Variants in POU6F2 observed in about 807,000 individuals in gnomAD.
The protein encoded by POU6F2 is POU domain, class 6, transcription factor 2.
POU6F2 carries 31 observed loss-of-function variants against 71.3 expected under a neutral mutation model. The observed-to-expected ratio is 0.43, with a 90% confidence interval of 0.33 to 0.59. The LOEUF (loss-of-function observed/expected upper bound fraction) is 0.59, where lower values mean the gene tolerates loss of function less well. POU6F2 is among the 20% of genes least tolerant of loss of function. POU6F2 has a pLI of 0.04. For missense variants in POU6F2, 783 were observed against 856.8 expected (o/e 0.91, Z 1.07); for synonymous variants, 347 against 355.7 (o/e 0.98, Z 0.27).
intron 1 of POU6F2, among the ~76,000 whole-genome samples, chr7:38,985,309 C>T (rs151167718): frequency 6.6e-6 from 1 of 152,164 alleles, no homozygotes; most frequent in African/African-American, 2.4e-5. Context: ...ATGTAAAATG[C>T]TGCTTAATGG....
At chr7:39,034,331 T>G (rs767073626) in intron 1 of POU6F2, 4 of 171,594 alleles carry the variant, frequency 2.3e-5, no homozygotes, top group Non-Finnish European at 5.1e-5. Context: ...AAAGGAAGAA[T>G]TTTTATACTG....
chr7:39,354,109 C>G (rs1054097657), intron 5 of POU6F2, among the ~76,000 whole-genome samples: 1 of 152,216 alleles, frequency 6.6e-6, no homozygotes, highest in Non-Finnish European at 1.5e-5. Flanking sequence ...GGAAACAAAT[C>G]AGGCACCAAA....
chr7:39,044,560 C>T lies in POU6F2; in HGVS notation c.106-41300C>T, dbSNP rs1017038359. 3.3e-5 allele frequency among the ~76,000 whole-genome samples: 5 copies of T among 151,852 alleles called. No individual in the cohort carries two copies. The East Asian group carries it at 5.8e-4, about 18-fold the overall frequency. ...TTCTGAGACTGATAGATTTATAAAG[C>T]GATTTTCAAAATATTGCCACCTTCG... is the stretch of plus-strand genomic sequence containing the variant. On this transcript the variant is annotated intron_variant, in intron 1 of 9. Coordinates refer to ENST00000518318, the MANE Select transcript of POU6F2 (RefSeq NM_001370959.1).
At chr7:39,057,372 C>T (rs894004240) in intron 1 of POU6F2, among the ~76,000 whole-genome samples, 1 of 152,046 alleles carries the variant, frequency 6.6e-6, no homozygotes, top group Non-Finnish European at 1.5e-5. Context: ...GTTTAATTTA[C>T]ATTTCCTTTA....
chr7:39,348,428 T>G (rs1172642089), intron 5 of POU6F2, among the ~76,000 whole-genome samples: 1 of 152,218 alleles, frequency 6.6e-6, no homozygotes, highest in Non-Finnish European at 1.5e-5. Flanking sequence ...CCATGATCCT[T>G]TACCTATGTA....
In POU6F2 at chr7:39,207,409, G is replaced by A; in HGVS notation, c.387G>A (p.Gln129=). The part of the protein sequence containing the change: ...PVGPQPLLTA[Q]QLASAVAGVM... ...CCTTGCAGCCACTTCTGACGGCACA[G>A]CAGTTAGCTTCTGCTGTGGCCGGCG... Residue 129 remains glutamine (Q), a synonymous_variant, in exon 4 of 10, where the codon CAG becomes CAA. Transcript: ENST00000518318. The A allele has an allele frequency of 6.2e-7, 1 of 1,613,960 alleles. No individual in the cohort carries two copies. Among genetic ancestry groups the A allele is most frequent in the Non-Finnish European group, 8.5e-7 (1 of 1,179,850 alleles).
At chr7:38,997,086 G>A (rs1452923555) in intron 1 of POU6F2, among the ~76,000 whole-genome samples, 1 of 152,120 alleles carries the variant, frequency 6.6e-6, no homozygotes, top group East Asian at 1.9e-4. Context: ...AGCCCCAAAT[G>A]TAGAGCAGAG....
intron 2 of POU6F2, among the ~76,000 whole-genome samples, chr7:39,149,734 TTA>T (rs1792705472): frequency 6.6e-6 from 1 of 152,168 alleles, no homozygotes; most frequent in African/African-American, 2.4e-5. Context: ...TTTGAGCCCT[TTA>T]TATATATGTG....
chr7:39,375,318 T>C (rs1007597008), intron 5 of POU6F2, among the ~76,000 whole-genome samples: 3 of 152,190 alleles, frequency 2.0e-5, no homozygotes, highest in African/African-American at 7.2e-5. Context: ...AGAGATGGCA[T>C]TTTGTTTCAG....
chr7:38,994,676 G>T (rs1160373176), intron 1 of POU6F2, among the ~76,000 whole-genome samples: 1 of 151,920 alleles, frequency 6.6e-6, no homozygotes, highest in Non-Finnish European at 1.5e-5. Context: ...GCTCTGTTTT[G>T]TTTTCCCCAC....
rs138076128 is a variant in POU6F2 at position 39,356,328 on chromosome 7, G to A, written c.972+16313G>A. Among the ~76,000 whole-genome samples, 566 of 151,924 alleles carry A rather than the reference G, an allele frequency of 3.7e-3. 4 individuals carry two copies. Among genetic ancestry groups the A allele is most frequent in the African/African-American group, 0.012 (510 of 41,412 alleles). ...ATGTGCCTGACACAATCCCTCCCTCGCTTTGCTGGTCCATGCCCCTTGCCT... is the reference window on the plus strand; with the variant it reads ...ATGTGCCTGACACAATCCCTCCCTCACTTTGCTGGTCCATGCCCCTTGCCT... On this transcript the variant is annotated intron_variant, in intron 5 of 9. Transcript: ENST00000518318.
intron 4 of POU6F2, among the ~76,000 whole-genome samples, chr7:39,227,740 G>T (rs1031232161): frequency 6.6e-6 from 1 of 152,138 alleles, no homozygotes; most frequent in African/African-American, 2.4e-5. Flanking sequence ...TGTATTTTTA[G>T]TAGATACGGG....
intron 5 of POU6F2, among the ~76,000 whole-genome samples, chr7:39,343,498 A>G (rs1374243855): frequency 2.0e-5 from 3 of 152,040 alleles, no homozygotes; most frequent in Non-Finnish European, 4.4e-5. Flanking sequence ...CCTCCTTTCT[A>G]TGACCTTTAA....
chr7:39,287,964 A>G (rs548754801), intron 4 of POU6F2, among the ~76,000 whole-genome samples: 1 of 152,306 alleles, frequency 6.6e-6, no homozygotes, highest in East Asian at 1.9e-4. Flanking sequence ...GTATACTGTC[A>G]GTAGGGGAGA....
intron 1 of POU6F2, among the ~76,000 whole-genome samples, chr7:39,079,129 A>T (rs1455745158): frequency 2.0e-5 from 3 of 151,678 alleles, no homozygotes; most frequent in Non-Finnish European, 4.4e-5. Flanking sequence ...ATCTTTCAAA[A>T]CATATTCATA....
Position 39,464,060 on chromosome 7 carries a change from C to T in POU6F2, c.1659-122C>T. On this transcript the variant is annotated intron_variant, in intron 9 of 9. Transcript: ENST00000518318. The surrounding 1 kb of genome is among the most constrained non-coding windows in gnomAD (Gnocchi z 4.1). ...CGCTGGCTTGGGCAGGGCTGGCTACCTTGCAGCTGGCTATTAACCTGCAGT... is the reference window on the plus strand; with the variant it reads ...CGCTGGCTTGGGCAGGGCTGGCTACTTTGCAGCTGGCTATTAACCTGCAGT... 1.5e-6 allele frequency: 2 copies of T among 1,331,376 alleles called. No homozygotes were observed. The highest frequency in any genetic ancestry group is 2.7e-4 in the Middle Eastern group (1 of 3,662). 82.5% of individuals were successfully genotyped at this position (1,331,376 alleles called of 1,614,324 possible).
intron 2 of POU6F2, among the ~76,000 whole-genome samples, chr7:39,190,033 A>G (rs904583581): frequency 6.6e-4 from 100 of 152,122 alleles, no homozygotes; most frequent in African/African-American, 2.3e-3. Flanking sequence ...AGCTGGGACT[A>G]CAGGCATGTG....
chr7:39,467,789 G>A lies in POU6F2; in HGVS notation c.*3103G>A, dbSNP rs1202460255. On this transcript the variant is annotated 3_prime_UTR_variant, in exon 10 of 10. Transcript: ENST00000518318. ...GGAAAAAAACAAAACAAAACAAGTAGAGGTGTATCAAAGAACTCAAGCTAT... is the reference window on the plus strand; with the variant it reads ...GGAAAAAAACAAAACAAAACAAGTAAAGGTGTATCAAAGAACTCAAGCTAT... 6.6e-6 allele frequency: 1 copy of A among 152,150 alleles called. No individual in the cohort carries two copies. The highest frequency in any genetic ancestry group is 2.4e-5 in the African/African-American group (1 of 41,434). The allele number at this position is 152,150 out of a possible 1,614,324, so 9.4% of individuals were successfully genotyped here. A position where few individuals can be genotyped will look rare whatever the true frequency, so the allele number is the denominator to read the frequency against.
chr7:39,373,563 A>C, intron 5 of POU6F2: 1 of 456,570 alleles, frequency 2.2e-6, no homozygotes, highest in Admixed American at 2.3e-5. Context: ...TTCAGAACCA[A>C]GCACACAGAA....
Sources: allele counts gnomAD v4.1 joint callset (sites outside exome capture counted in the v4.1 genomes callset), GRCh38; gene constraint gnomAD v4.1.1; non-coding constraint Gnocchi (gnomAD v3.1); transcripts MANE v1.5; gene names NCBI Gene and HGNC (gene_info 2026-07-23, HGNC 2026-07-21).